The following FUT9 variants were observed in gnomAD, a reference collection of about 807,000 sequenced individuals.
The protein encoded by FUT9 is fucosyltransferase 9.
A neutral mutation model predicts 29.7 loss-of-function variants in FUT9; 15 were observed. The ratio of observed to expected loss-of-function variants is 0.51; its 90% CI spans 0.34 to 0.78. The LOEUF (loss-of-function observed/expected upper bound fraction) is 0.78, where lower values mean the gene tolerates loss of function less well. Ranked by LOEUF, FUT9 falls within the 30% of genes least tolerant of loss-of-function variation. FUT9 has a pLI of 0.01. For missense variants in FUT9, 319 were observed against 425.4 expected (o/e 0.75, Z 2.20); for synonymous variants, 169 against 153.7 (o/e 1.10, Z -0.74).
chr6:96,090,191 C>T (rs1393228749), intron 1 of FUT9, among the ~76,000 whole-genome samples: 5 of 151,718 alleles, frequency 3.3e-5, no homozygotes, highest in African/African-American at 1.2e-4. Context: ...GGGGGATGAA[C>T]CAAAAAGATA....
chr6:96,155,337 G>C (rs1197730495), intron 2 of FUT9, among the ~76,000 whole-genome samples: 1 of 152,056 alleles, frequency 6.6e-6, no homozygotes, highest in African/African-American at 2.4e-5. Flanking sequence ...AATTCATGTC[G>C]AAGTCCCAAT....
At chr6:96,119,019 T>A (rs1771969501) in intron 2 of FUT9, among the ~76,000 whole-genome samples, 1 of 152,196 alleles carries the variant, frequency 6.6e-6, no homozygotes, top group Non-Finnish European at 1.5e-5. Flanking sequence ...TAAAAAATAT[T>A]TTTTAAGTCT....
chr6:96,067,973 G>A (rs1334022775), intron 1 of FUT9, among the ~76,000 whole-genome samples: 1 of 151,886 alleles, frequency 6.6e-6, no homozygotes, highest in East Asian at 1.9e-4. Context: ...TTGAATGAAT[G>A]TTTCTTTTTT....
intron 2 of FUT9, among the ~76,000 whole-genome samples, chr6:96,143,821 GGAGGGAGTCATATAACA>G (rs1283811438): frequency 6.6e-6 from 1 of 152,154 alleles, no homozygotes; most frequent in East Asian, 1.9e-4. Flanking sequence ...AAAGAAGCTA[GGAGGGAGTCATATAACA>G]GAGGATAGAG....
chr6:96,083,345 G>T (rs932756767), intron 1 of FUT9, among the ~76,000 whole-genome samples: 6 of 152,008 alleles, frequency 3.9e-5, no homozygotes, highest in Non-Finnish European at 7.4e-5. Flanking sequence ...ATCAGCATAG[G>T]CCAAAATTTT....
At chr6:96,184,680 T>C (rs1773372923) in intron 2 of FUT9, among the ~76,000 whole-genome samples, 2 of 152,118 alleles carry the variant, frequency 1.3e-5, no homozygotes, top group South Asian at 2.1e-4. Context: ...CAAACAACTT[T>C]TAAATTTCCA....
intron 2 of FUT9, among the ~76,000 whole-genome samples, chr6:96,163,129 A>G (rs1772943816): frequency 6.6e-6 from 1 of 152,006 alleles, no homozygotes; most frequent in Non-Finnish European, 1.5e-5. Context: ...CAAGTTTCTC[A>G]CTCTCATCCT....
intron 1 of FUT9, among the ~76,000 whole-genome samples, chr6:96,032,089 C>T (rs1770272074): frequency 6.6e-6 from 1 of 151,488 alleles, no homozygotes; most frequent in African/African-American, 2.4e-5. Context: ...ACATTGAGCT[C>T]TGTGGAACAT....
Position 96,165,945 on chromosome 6 carries a change from C to T in FUT9, c.-8-37203C>T, listed in dbSNP as rs1317585927. Among the ~76,000 whole-genome samples the T allele has an allele frequency of 1.3e-5, 2 of 151,984 alleles. 1 individual carries two copies. Among genetic ancestry groups the T allele is most frequent in the East Asian group, 3.8e-4 (2 of 5,196 alleles). Reference sequence around the variant, plus strand: ...TTTTATATTATTCTGTATATTTTTCCTGTCAGACAAAGGTCTGAGAATTAG... The same window carrying T: ...TTTTATATTATTCTGTATATTTTTCTTGTCAGACAAAGGTCTGAGAATTAG... On this transcript the variant is annotated intron_variant, in intron 2 of 2. Coordinates refer to ENST00000302103, the MANE Select transcript of FUT9 (RefSeq NM_006581.4).
intron 1 of FUT9, among the ~76,000 whole-genome samples, chr6:96,083,106 T>G (rs1771264561): frequency 6.6e-6 from 1 of 152,028 alleles, no homozygotes; most frequent in Non-Finnish European, 1.5e-5. Context: ...TATTCTTTGA[T>G]GTGTTTGTGA....
At position 96,203,599 on chromosome 6, in the gene FUT9, T is replaced by G; in HGVS notation, c.444T>G (p.Ile148Met). The G allele has an allele frequency of 6.2e-7, 1 of 1,613,990 alleles. No homozygotes were observed. Among genetic ancestry groups the G allele is most frequent in the Non-Finnish European group, 8.5e-7 (1 of 1,179,976 alleles). Residue 148 changes from isoleucine (I) to methionine (M), a missense_variant, in exon 3 of 3, where the codon ATT becomes ATG. By Grantham distance (10) the Ile-to-Met change is conservative (BLOSUM62 1). Transcript: ENST00000302103. ...SPTHTPQKSG[I>M]EHLFNLTLTY... ...CTCACACTCCCCAAAAGAGTGGCAT[T>G]GAGCACTTGTTTAACCTGACTCTGA...
chr6:96,131,172 G>T (rs1772236712), intron 2 of FUT9, among the ~76,000 whole-genome samples: 1 of 151,716 alleles, frequency 6.6e-6, no homozygotes, highest in Non-Finnish European at 1.5e-5. Flanking sequence ...CATCACAATA[G>T]GCTATACATT....
chr6:96,191,201 C>T (rs998237908), intron 2 of FUT9, among the ~76,000 whole-genome samples: 29 of 151,860 alleles, frequency 1.9e-4, no homozygotes, highest in Non-Finnish European at 8.8e-5. Flanking sequence ...GCAGTGGAAG[C>T]TCTCAGAAGG....
intron 1 of FUT9, among the ~76,000 whole-genome samples, chr6:96,032,392 C>T (rs1246031851): frequency 5.3e-5 from 8 of 151,242 alleles, no homozygotes; most frequent in Non-Finnish European, 1.2e-4. Flanking sequence ...CTTATTCAGT[C>T]AGTAATTTTT....
At chr6:96,153,368 A>G (rs767407006) in intron 2 of FUT9, among the ~76,000 whole-genome samples, 13 of 152,274 alleles carry the variant, frequency 8.5e-5, no homozygotes, top group Non-Finnish European at 1.8e-4. Context: ...ACAAAAGGAC[A>G]TTACACATTA....
chr6:96,169,234 C>G (rs567169837), intron 2 of FUT9, among the ~76,000 whole-genome samples: 12 of 152,222 alleles, frequency 7.9e-5, no homozygotes, highest in African/African-American at 2.9e-4. Context: ...GAAGCAAATA[C>G]GCTGATATTA....
chr6:96,207,230 TACACAC>T lies in FUT9; in HGVS notation c.*3010_*3015del, dbSNP rs34744508. ...TTCAAGACACACATTCACACACACA[TACACAC>T]ACACACACACACACCCCACAGCTAG... On this transcript the variant is annotated 3_prime_UTR_variant, in exon 3 of 3. Coordinates refer to ENST00000302103, the MANE Select transcript of FUT9 (RefSeq NM_006581.4). 1.2e-5 allele frequency: 2 copies of T among 161,526 alleles called. No individual in the cohort carries two copies. Among genetic ancestry groups the T allele is most frequent in the African/African-American group, 2.5e-5 (1 of 40,792 alleles). The allele number at this position is 161,526 out of a possible 1,614,324, so 10.0% of individuals were successfully genotyped here. A position where few individuals can be genotyped will look rare whatever the true frequency, so the allele number is the denominator to read the frequency against.
At chr6:96,151,265 G>C (rs1181839089) in intron 2 of FUT9, among the ~76,000 whole-genome samples, 1 of 152,062 alleles carries the variant, frequency 6.6e-6, no homozygotes. Context: ...ACTTCAATAT[G>C]AGCCTCATTC....
intron 1 of FUT9, among the ~76,000 whole-genome samples, chr6:96,028,111 T>C (rs1770198444): frequency 6.6e-6 from 1 of 151,604 alleles, no homozygotes; most frequent in East Asian, 1.9e-4. Context: ...GGCAATCTTG[T>C]GCAGAAGAAA....
Sources: gnomAD v4.1 joint callset for allele counts (sites outside exome capture counted in the v4.1 genomes callset) on GRCh38, gnomAD v4.1.1 for gene constraint, MANE v1.5 for transcripts, NCBI Gene and HGNC (gene_info 2026-07-23, HGNC 2026-07-21) for gene names.